The following SNX30 variants were observed in gnomAD, a reference collection of about 807,000 sequenced individuals.
SNX30 encodes sorting nexin family member 30, also known as sorting nexin-30.
In SNX30, 24 loss-of-function variants were observed where a neutral mutation model predicts 46.4. The observed-to-expected ratio is 0.52, with a 90% CI of 0.37 to 0.73. The LOEUF is 0.73. Among genes scored for constraint, SNX30 ranks in the 30% least tolerant of loss-of-function variants. The pLI is 0.00. For synonymous variants in SNX30, 189 were observed against 211.5 expected (o/e 0.89, Z 0.92); for missense variants, 533 against 555.7 (o/e 0.96, Z 0.41).
At chr9:112,774,908 C>G (rs535852070) in intron 1 of SNX30, among the ~76,000 whole-genome samples, 1 of 148,272 alleles carries the variant, frequency 6.7e-6, no homozygotes, top group African/African-American at 2.5e-5. Context: ...GCAGTGGCGC[C>G]GTCTCGACTC....
At chr9:112,819,985 C>T (rs973472668) in intron 3 of SNX30, among the ~76,000 whole-genome samples, 2 of 152,186 alleles carry the variant, frequency 1.3e-5, no homozygotes, top group African/African-American at 4.8e-5. Context: ...ATTTATAGCC[C>T]ACACCATGCA....
At chr9:112,781,673 C>A (rs1329141677) in intron 1 of SNX30, among the ~76,000 whole-genome samples, 3 of 152,010 alleles carry the variant, frequency 2.0e-5, no homozygotes, top group South Asian at 2.1e-4. Flanking sequence ...GCTCTGTTGC[C>A]CAGGCTGGAG....
At chr9:112,866,892 TCCC>T (rs1223075908) in intron 8 of SNX30, among the ~76,000 whole-genome samples, 1 of 61,398 alleles carries the variant, frequency 1.6e-5, no homozygotes, top group African/African-American at 7.0e-5. Context: ...GAACTCCTCC[TCCC>T]TCCTCAGAAT....
intron 1 of SNX30, among the ~76,000 whole-genome samples, chr9:112,754,216 G>A (rs890506924): frequency 2.6e-5 from 4 of 152,116 alleles, no homozygotes; most frequent in Admixed American, 6.5e-5. Context: ...TCCAGCTGAC[G>A]CTTGTGAATG....
At chr9:112,848,195 T>C (rs1840968634) in intron 6 of SNX30, among the ~76,000 whole-genome samples, 1 of 151,936 alleles carries the variant, frequency 6.6e-6, no homozygotes, top group Non-Finnish European at 1.5e-5. Flanking sequence ...ATGACTCTCT[T>C]CTGCTTGTCA....
intron 1 of SNX30, among the ~76,000 whole-genome samples, chr9:112,794,688 C>A (rs1840081845): frequency 6.6e-6 from 1 of 152,168 alleles, no homozygotes. Flanking sequence ...ACTATATTGG[C>A]TCCTAGTCTA....
At chr9:112,797,701 TTTTCTTTTTC>T (rs1840129365) in intron 1 of SNX30, among the ~76,000 whole-genome samples, 1 of 73,746 alleles carries the variant, frequency 1.4e-5, no homozygotes, top group Non-Finnish European at 2.7e-5. Flanking sequence ...CTTCTTTTCT[TTTTCTTTTTC>T]TTTTTTTTTT....
At chr9:112,875,587 A>C (rs901706182), downstream of SNX30, among the ~76,000 whole-genome samples, 2 of 152,200 alleles carry the variant, frequency 1.3e-5, no homozygotes, top group African/African-American at 4.8e-5. Flanking sequence ...TGAAAACAAG[A>C]CTTCCACATG....
chr9:112,838,216 G>A (rs1250723600), intron 5 of SNX30, among the ~76,000 whole-genome samples: 1 of 152,148 alleles, frequency 6.6e-6, no homozygotes, highest in Non-Finnish European at 1.5e-5. Context: ...AAGATGTTTG[G>A]TGGATGTGGC....
chr9:112,750,860 G>T lies in SNX30; in HGVS notation c.-142G>T, dbSNP rs1291627870. ...AGCGCCGGCAGAGACCAGCCGGCGG[G>T]TGGCGGCGGCCCCCAGCACGGCCGG... On this transcript the variant is annotated 5_prime_UTR_variant, in exon 1 of 9. Coordinates refer to ENST00000374232, the MANE Select transcript of SNX30 (RefSeq NM_001012994.2). The T allele has an allele frequency of 1.4e-6, 1 of 724,290 alleles. No individual in the cohort carries two copies. Among genetic ancestry groups the T allele is most frequent in the East Asian group, 9.6e-5 (1 of 10,408 alleles). The allele number at this position is 724,290 out of a possible 1,614,324, so 44.9% of individuals were successfully genotyped here.
rs1263857955 is a variant in SNX30, at chr9:112,873,344, CT to C, written c.*4505del. 1 of 152,200 alleles carries C rather than the reference CT, an allele frequency of 6.6e-6. No homozygotes were observed. Among genetic ancestry groups the C allele is most frequent in the Non-Finnish European group, 1.5e-5 (1 of 68,040 alleles). 9.4% of individuals were successfully genotyped at this position (152,200 alleles called of 1,614,324 possible). ...CCAGAATTTAAAAAAATGCCACAGA[CT>C]TTTCAAAGCCCAACTCTACTTTTTT... is the stretch of plus-strand genomic sequence containing the variant. On this transcript the variant is annotated 3_prime_UTR_variant, in exon 9 of 9. Transcript: ENST00000374232.
At chr9:112,860,366 C>T (rs146638140) in intron 7 of SNX30, among the ~76,000 whole-genome samples, 12 of 152,300 alleles carry the variant, frequency 7.9e-5, no homozygotes, top group Non-Finnish European at 1.2e-4. Flanking sequence ...TATCTCACCC[C>T]GCTTTGTGGA....
chr9:112,766,431 G>C (rs532087258), intron 1 of SNX30, among the ~76,000 whole-genome samples: 3 of 152,108 alleles, frequency 2.0e-5, no homozygotes, highest in African/African-American at 7.2e-5. Context: ...GAGGTTAATG[G>C]TAATTTTAGA....
intron 1 of SNX30, among the ~76,000 whole-genome samples, chr9:112,786,668 C>CT (rs150206300): frequency 1.2e-4 from 17 of 145,906 alleles, no homozygotes; most frequent in East Asian, 2.0e-4. Flanking sequence ...CTGTCCTTGA[C>CT]TTTTTTTTTT....
intron 3 of SNX30, among the ~76,000 whole-genome samples, chr9:112,825,009 C>G (rs1349698896): frequency 6.6e-6 from 1 of 152,178 alleles, no homozygotes; most frequent in Admixed American, 6.5e-5. Context: ...CCTCCTTTTC[C>G]CAGCCCGGCT....
At chr9:112,812,122 T>A (rs1840329792) in intron 2 of SNX30, among the ~76,000 whole-genome samples, 2 of 152,338 alleles carry the variant, frequency 1.3e-5, no homozygotes, top group Non-Finnish European at 2.9e-5. Context: ...CCTTGTTTTT[T>A]CTTTCCTTTT....
chr9:112,834,738 TC>T (rs112990390), intron 4 of SNX30, among the ~76,000 whole-genome samples: 3 of 152,130 alleles, frequency 2.0e-5, no homozygotes, highest in African/African-American at 7.2e-5. Flanking sequence ...ACAGAGAGAT[TC>T]TGTTTCCTGA....
intron 1 of SNX30, among the ~76,000 whole-genome samples, chr9:112,762,352 A>C (rs1486891372): frequency 6.6e-6 from 1 of 152,140 alleles, no homozygotes; most frequent in Admixed American, 6.5e-5. Context: ...GCGCTTTTCA[A>C]AACCCCTATA....
At chr9:112,813,469 A>ATTTTTT (rs34581439) in intron 2 of SNX30, among the ~76,000 whole-genome samples, 1 of 132,344 alleles carries the variant, frequency 7.6e-6, no homozygotes, top group Admixed American at 7.7e-5. Context: ...ACTGTATTTA[A>ATTTTTT]TTTTTTTTTT....
Sources: allele counts gnomAD v4.1 joint callset (sites outside exome capture counted in the v4.1 genomes callset), GRCh38; gene constraint gnomAD v4.1.1; transcripts MANE v1.5; gene names NCBI Gene and HGNC (gene_info 2026-07-23, HGNC 2026-07-21).